The following ANK2 variants were observed in gnomAD, a reference collection of about 807,000 sequenced individuals.
ANK2 encodes ankyrin 2.
Under a neutral mutation model 360.5 loss-of-function variants are expected in ANK2, and 83 were observed. That is an observed-to-expected ratio of 0.23 (90% CI 0.19 to 0.28). The LOEUF (loss-of-function observed/expected upper bound fraction) is 0.28, where lower values mean the gene tolerates loss of function less well. ANK2 is among the 10% of genes least tolerant of loss of function. The pLI, the probability that ANK2 is intolerant of heterozygous loss-of-function variation, is 1.00. For missense variants in ANK2, 4,201 were observed against 4,795.7 expected, an observed-to-expected ratio of 0.88 and a Z score of 3.66; for synonymous variants, 1,740 against 1,759.5, an observed-to-expected ratio of 0.99 and a Z score of 0.28.
intron 40 of ANK2, 127 bp from the exon 41 acceptor site, chr4:113,364,912 G>T: frequency 8.1e-7 from 1 of 1,236,842 alleles, no homozygotes; most frequent in South Asian, 1.3e-5. Context: ...TTTTTACAAA[G>T]ACTTTTAATT....
In ANK2 at chr4:113,357,935, G is replaced by A. The variant is rs1247076365; in HGVS notation, c.9317G>A (p.Gly3106Glu). The A allele has an allele frequency of 6.2e-7, 1 of 1,613,964 alleles. No homozygotes were observed. Among genetic ancestry groups the A allele is most frequent in the East Asian group, 2.2e-5 (1 of 44,862 alleles). ...CAAAACCCATTTCTGTTTCAGGAAGGAAAATTGTTTGAAATGACCCGAAGT... is the reference window on the plus strand; with the variant it reads ...CAAAACCCATTTCTGTTTCAGGAAGAAAAATTGTTTGAAATGACCCGAAGT... The part of the protein sequence containing the change: ...SEQNPFLFQE[G>E]KLFEMTRSGA... Residue 3106 changes from glycine (G) to glutamate (E), a missense_variant, in exon 38 of 46, where the codon GGA (glycine) becomes GAA (glutamate). Gly to Glu is a moderately conservative substitution (Grantham distance 98). Around this residue, in one of 4 missense-constraint regions of ANK2, gnomAD observed 2,642 missense variants for 2,714.5 expected, o/e 0.97. Transcript: ENST00000357077.
intron 1 of ANK2, among the ~76,000 whole-genome samples, chr4:112,874,363 G>A (rs577121045): frequency 2.0e-5 from 3 of 151,182 alleles, no homozygotes; most frequent in South Asian, 2.1e-4. Context: ...GATTACAGGC[G>A]TGAGCCACTG....
the ANK2 span, among the ~76,000 whole-genome samples, chr4:112,708,563 C>T: frequency 6.6e-6 from 1 of 152,032 alleles, no homozygotes; most frequent in East Asian, 1.9e-4. Context: ...TTCATTTATT[C>T]AACAGACATT....
At chr4:113,073,163 T>C (rs1373163819) in intron 1 of ANK2, among the ~76,000 whole-genome samples, 1 of 151,826 alleles carries the variant, frequency 6.6e-6, no homozygotes, top group Non-Finnish European at 1.5e-5. Flanking sequence ...GGTTTCACCA[T>C]GTTGGCCAGG....
At chr4:112,929,760 C>T (rs1371585851) in intron 2 of ANK2, among the ~76,000 whole-genome samples, 1 of 152,230 alleles carries the variant, frequency 6.6e-6, no homozygotes, top group Admixed American at 6.5e-5. Flanking sequence ...TCACAATCTG[C>T]ACTGAAGACT....
chr4:113,295,090 T>C (rs1305956484), intron 22 of ANK2, among the ~76,000 whole-genome samples: 1 of 152,194 alleles, frequency 6.6e-6, no homozygotes, highest in African/African-American at 2.4e-5. Flanking sequence ...AAGTTATCAC[T>C]AGATGGCAAG....
At chr4:113,240,056 A>C (rs747563870) in intron 7 of ANK2, among the ~76,000 whole-genome samples, 3 of 152,148 alleles carry the variant, frequency 2.0e-5, no homozygotes, top group Non-Finnish European at 4.4e-5. Context: ...GCTTTTTTAA[A>C]ACAAAAATAA....
At chr4:113,046,722 G>A (rs1269671173), upstream of ANK2, among the ~76,000 whole-genome samples, 2 of 152,060 alleles carry the variant, frequency 1.3e-5, no homozygotes, top group Non-Finnish European at 2.9e-5. Flanking sequence ...CAGGTATTTT[G>A]TTATAGCAGC....
intron 2 of ANK2, among the ~76,000 whole-genome samples, chr4:113,179,788 A>G (rs2098348330): frequency 6.6e-6 from 1 of 152,252 alleles, no homozygotes; most frequent in Non-Finnish European, 1.5e-5. Context: ...AATAAACTGT[A>G]TAGTATTTTA....
At chr4:113,370,161 TCAG>T (rs1467193903) in intron 43 of ANK2, among the ~76,000 whole-genome samples, 8 of 152,190 alleles carry the variant, frequency 5.3e-5, no homozygotes, top group African/African-American at 1.9e-4. Flanking sequence ...ACCAGGTAAG[TCAG>T]CCATGGGATG....
At chr4:113,345,213 C>T (rs555850190) in intron 34 of ANK2, among the ~76,000 whole-genome samples, 1 of 152,108 alleles carries the variant, frequency 6.6e-6, no homozygotes, top group Non-Finnish European at 1.5e-5. Context: ...TATGGTTCCT[C>T]CATTTCTACA....
chr4:113,025,491 T>G (rs1190421599), intron 2 of ANK2, among the ~76,000 whole-genome samples: 1 of 152,190 alleles, frequency 6.6e-6, no homozygotes, highest in Non-Finnish European at 1.5e-5. Flanking sequence ...TCTTTGTGCC[T>G]TATGGATAAA....
intron 26 of ANK2, among the ~76,000 whole-genome samples, chr4:113,321,455 T>C (rs939910273): frequency 2.5e-4 from 38 of 152,196 alleles, no homozygotes; most frequent in Non-Finnish European, 8.8e-5. Context: ...GCGTCTCCAG[T>C]GTTTCAACAA....
chr4:113,333,623 G>T (rs1360850662), intron 29 of ANK2, among the ~76,000 whole-genome samples: 1 of 152,120 alleles, frequency 6.6e-6, no homozygotes, highest in African/African-American at 2.4e-5. Context: ...AGATATTTAA[G>T]ATACTGATAA....
chr4:113,345,074 A>G (rs1223835835), intron 34 of ANK2, among the ~76,000 whole-genome samples: 1 of 152,212 alleles, frequency 6.6e-6, no homozygotes, highest in African/African-American at 2.4e-5. Context: ...TATGATTAAA[A>G]TGATACGTTT....
intron 2 of ANK2, among the ~76,000 whole-genome samples, chr4:112,926,961 C>A (rs1010174748): frequency 1.3e-5 from 2 of 152,084 alleles, no homozygotes; most frequent in South Asian, 2.1e-4. Context: ...AGAAAACTTA[C>A]AATCATGGCC....
chr4:112,877,470 C>T (rs1478390280), intron 1 of ANK2, among the ~76,000 whole-genome samples: 1 of 152,182 alleles, frequency 6.6e-6, no homozygotes, highest in African/African-American at 2.4e-5. Flanking sequence ...ACATCTCAGC[C>T]TCTCAAAGTG....
chr4:112,899,332 A>G (rs1025213560), intron 1 of ANK2, among the ~76,000 whole-genome samples: 1 of 152,150 alleles, frequency 6.6e-6, no homozygotes, highest in African/African-American at 2.4e-5. Flanking sequence ...GTATTTACAT[A>G]TTTTCTTAGT....
At chr4:113,110,200 C>T (rs1349656905) in intron 1 of ANK2, among the ~76,000 whole-genome samples, 2 of 152,160 alleles carry the variant, frequency 1.3e-5, no homozygotes, top group African/African-American at 4.8e-5. Flanking sequence ...TACCTGGCCG[C>T]AGGCAAGAGA....
Sources: gnomAD v4.1 joint callset for allele counts (sites outside exome capture counted in the v4.1 genomes callset) on GRCh38, gnomAD v4.1.1 for gene constraint, gnomAD v4.1.1 regional missense constraint, MANE v1.5 for transcripts, NCBI Gene and HGNC (gene_info 2026-07-23, HGNC 2026-07-21) for gene names.